The following NSUN3 variants were observed in gnomAD, a reference collection of about 807,000 sequenced individuals.
NSUN3 encodes NOP2/Sun RNA methyltransferase 3, also known as tRNA (cytosine(34)-C(5))-methyltransferase, mitochondrial.
NSUN3 carries 24 observed loss-of-function variants against 36.8 expected under a neutral mutation model. That is an observed-to-expected ratio of 0.65 (90% CI 0.47 to 0.92). The LOEUF (loss-of-function observed/expected upper bound fraction) is 0.92, where lower values mean the gene tolerates loss of function less well. NSUN3 is among the 40% of genes least tolerant of loss of function. NSUN3 has a pLI of 0.00. For synonymous variants in NSUN3, 146 were observed against 145.2 expected, an observed-to-expected ratio of 1.01 and a Z score of -0.04; for missense variants, 381 against 392.8, an observed-to-expected ratio of 0.97 and a Z score of 0.25.
At chr3:94,102,474 C>A (rs896648169) in intron 5 of NSUN3, among the ~76,000 whole-genome samples, 1 of 152,082 alleles carries the variant, frequency 6.6e-6, no homozygotes, top group South Asian at 2.1e-4. Context: ...TATGCTTAGT[C>A]ATATGTTTGG....
intron 5 of NSUN3, among the ~76,000 whole-genome samples, chr3:94,099,804 GAA>G (rs34896138): frequency 7.1e-6 from 1 of 141,836 alleles, no homozygotes. Flanking sequence ...TTCAAAAAAT[GAA>G]AAAAAAAAAA....
chr3:94,105,553 G>A (rs1235174306), intron 5 of NSUN3, among the ~76,000 whole-genome samples: 1 of 152,048 alleles, frequency 6.6e-6, no homozygotes, highest in African/African-American at 2.4e-5. Flanking sequence ...TAGGACATTG[G>A]CGTTCAAACT....
At chr3:94,106,528 C>A (rs1003056222) in intron 5 of NSUN3, among the ~76,000 whole-genome samples, 7 of 152,174 alleles carry the variant, frequency 4.6e-5, no homozygotes, top group African/African-American at 1.4e-4. Flanking sequence ...TAACTATCAA[C>A]CTAGAAATGT....
chr3:94,109,363 G>A (rs978067163), intron 5 of NSUN3, among the ~76,000 whole-genome samples: 2 of 152,188 alleles, frequency 1.3e-5, no homozygotes, highest in Admixed American at 1.3e-4. Context: ...AGGGGCAGAA[G>A]TATTGCTAGC....
intron 2 of NSUN3, among the ~76,000 whole-genome samples, chr3:94,072,242 A>G (rs1198011187): frequency 1.3e-5 from 2 of 152,128 alleles, no homozygotes; most frequent in African/African-American, 4.8e-5. Flanking sequence ...GTGCTGTAGT[A>G]CCAGGGTCTC....
At chr3:94,103,999 T>C (rs1338696551) in intron 5 of NSUN3, among the ~76,000 whole-genome samples, 1 of 152,198 alleles carries the variant, frequency 6.6e-6, no homozygotes, top group African/African-American at 2.4e-5. Context: ...AATAGACTAA[T>C]GAGTTTTGCT....
In NSUN3 at chr3:94,063,090, C is replaced by G; in HGVS notation, c.-37C>G. Reference sequence around the variant, plus strand: ...CCCTGGAGGCTTTTTGATACTGATTCGCGTACACCTGTTGTTTGAAAGCTC... The same window carrying G: ...CCCTGGAGGCTTTTTGATACTGATTGGCGTACACCTGTTGTTTGAAAGCTC... On this transcript the variant is annotated 5_prime_UTR_variant, in exon 1 of 6. Transcript: ENST00000314622. 6.2e-7 allele frequency: 1 copy of G among 1,613,576 alleles called. No individual in the cohort carries two copies. The highest frequency in any genetic ancestry group is 2.2e-5 in the East Asian group (1 of 44,860).
intron 5 of NSUN3, among the ~76,000 whole-genome samples, chr3:94,102,968 C>A (rs2077372080): frequency 6.6e-6 from 1 of 152,022 alleles, no homozygotes. Context: ...CTCACTGCAA[C>A]CTCCGCCTCC....
chr3:94,077,279 A>T, intron 2 of NSUN3: 1 of 536,780 alleles, frequency 1.9e-6, no homozygotes, highest in Admixed American at 3.1e-5. Context: ...CTTGCATCCC[A>T]GGTATGAAGT....
intron 5 of NSUN3, among the ~76,000 whole-genome samples, chr3:94,116,752 G>A (rs982302352): frequency 1.4e-4 from 22 of 152,198 alleles, no homozygotes; most frequent in African/African-American, 5.1e-4. Flanking sequence ...TGGCAGATGT[G>A]TTTCAGAATT....
At chr3:94,100,871 G>A (rs1213431487) in intron 5 of NSUN3, among the ~76,000 whole-genome samples, 1 of 151,998 alleles carries the variant, frequency 6.6e-6, no homozygotes, top group Non-Finnish European at 1.5e-5. Flanking sequence ...TCAACTTTTG[G>A]AAAGACAGTG....
At chr3:94,066,384 A>G (rs1159926010) in intron 2 of NSUN3, among the ~76,000 whole-genome samples, 1 of 152,226 alleles carries the variant, frequency 6.6e-6, no homozygotes, top group Non-Finnish European at 1.5e-5. Flanking sequence ...GAACAGAATG[A>G]AATATTTTGT....
intron 2 of NSUN3, among the ~76,000 whole-genome samples, chr3:94,078,573 A>G (rs2077255720): frequency 6.6e-6 from 1 of 152,126 alleles, no homozygotes; most frequent in South Asian, 2.1e-4. Context: ...TGGGAGTCTA[A>G]GTCTCTTTGT....
intron 5 of NSUN3, among the ~76,000 whole-genome samples, chr3:94,104,877 T>C (rs1021808212): frequency 6.6e-6 from 1 of 152,204 alleles, no homozygotes; most frequent in African/African-American, 2.4e-5. Context: ...AATAAGATGA[T>C]ACTTTAAGCG....
At position 94,126,612 on chromosome 3, in the gene NSUN3, A is replaced by G; in HGVS notation, c.*122A>G. On this transcript the variant is annotated 3_prime_UTR_variant, in exon 6 of 6. Transcript: ENST00000314622. Reference sequence around the variant, plus strand: ...GTCTGTTTGGAATCCTATTTAGTTAATACTTTAGCATCTTAGAATCTAGGC... The same window carrying G: ...GTCTGTTTGGAATCCTATTTAGTTAGTACTTTAGCATCTTAGAATCTAGGC... 7.4e-6 allele frequency: 6 copies of G among 812,202 alleles called. No homozygotes were observed. Among genetic ancestry groups the G allele is most frequent in the Non-Finnish European group, 1.1e-5 (6 of 526,694 alleles). 50.3% of individuals were successfully genotyped at this position (812,202 alleles called of 1,614,324 possible).
chr3:94,109,359 A>G (rs1182177943), intron 5 of NSUN3, among the ~76,000 whole-genome samples: 1 of 152,220 alleles, frequency 6.6e-6, no homozygotes, highest in East Asian at 1.9e-4. Flanking sequence ...TTGAAGGGGC[A>G]GAAGTATTGC....
At chr3:94,102,614 G>T (rs1413907716) in intron 5 of NSUN3, among the ~76,000 whole-genome samples, 1 of 151,974 alleles carries the variant, frequency 6.6e-6, no homozygotes, top group African/African-American at 2.4e-5. Flanking sequence ...TTAGGTGGCA[G>T]TAGTCAGAGG....
intron 5 of NSUN3, among the ~76,000 whole-genome samples, chr3:94,109,048 A>C (rs1292409351): frequency 6.6e-6 from 1 of 152,214 alleles, no homozygotes; most frequent in African/African-American, 2.4e-5. Flanking sequence ...ATGCAACACA[A>C]ACCCTGTTTT....
intron 5 of NSUN3, among the ~76,000 whole-genome samples, chr3:94,113,863 A>G (rs1379446054): frequency 1.3e-5 from 2 of 152,326 alleles, no homozygotes; most frequent in Non-Finnish European, 1.5e-5. Context: ...ACTACTTTTG[A>G]GTTTCTACAT....
Sources: allele counts gnomAD v4.1 joint callset (sites outside exome capture counted in the v4.1 genomes callset), GRCh38; gene constraint gnomAD v4.1.1; transcripts MANE v1.5; gene names NCBI Gene and HGNC (gene_info 2026-07-23, HGNC 2026-07-21).